Variants in SRCIN1 observed in about 807,000 individuals in gnomAD.
SRCIN1 encodes the protein SRC kinase signaling inhibitor 1.
A neutral mutation model predicts 116.2 loss-of-function variants in SRCIN1; 50 were observed. The observed-to-expected ratio is 0.43, with a 90% confidence interval of 0.34 to 0.54. The LOEUF (loss-of-function observed/expected upper bound fraction) is 0.54. SRCIN1 is among the 20% of genes least tolerant of loss of function. SRCIN1 has a pLI of 0.02. For synonymous variants in SRCIN1, 736 were observed against 750.0 expected (o/e 0.98, Z 0.30); for missense variants, 1,446 against 1,672.0 (o/e 0.86, Z 2.36).
At position 38,552,696 on chromosome 17, in the gene SRCIN1, C is replaced by A; in HGVS notation, c.2332+29G>T. ...TGGCAGACTTCCCCACCCTGAACAA[C>A]GTGCTGCATTCGCAGGCCCCAGACC... is the stretch of plus-strand genomic sequence containing the variant. On this transcript the variant is annotated intron_variant, in intron 12 of 18. Transcript: ENST00000617146. This position sits in a 1 kb window ranked among gnomAD's most constrained non-coding sequence, Gnocchi z 5.3. 1 of 1,613,102 alleles carries A rather than the reference C, an allele frequency of 6.2e-7. No homozygotes were observed. Among genetic ancestry groups the A allele is most frequent in the Non-Finnish European group, 8.5e-7 (1 of 1,179,498 alleles).
At chr17:38,541,206 T>G (rs1165038854) in intron 18 of SRCIN1, 1 of 151,110 alleles carries the variant, frequency 6.6e-6, no homozygotes. Flanking sequence ...ACCATTGCAC[T>G]CCAGCCCGGG....
Position 38,562,281 on chromosome 17 carries a change from G to A in SRCIN1, c.882C>T (p.Leu294=). The A allele has an allele frequency of 6.8e-7, 1 of 1,478,600 alleles. No individual in the cohort carries two copies. The highest frequency in any genetic ancestry group is 1.3e-5 in the South Asian group (1 of 78,438). 91.6% of individuals were successfully genotyped at this position (1,478,600 alleles called of 1,614,324 possible). The change falls in exon 7 of 19, where the codon CTC becomes CTT. Residue 294 remains leucine (L), a synonymous_variant. Coordinates refer to ENST00000617146, the MANE Select transcript of SRCIN1 (RefSeq NM_025248.3). The surrounding 1 kb of genome is among the most constrained non-coding windows in gnomAD (Gnocchi z 4.2). ...ASRESSPTRR[L]NNLSPAPHLA... is the part of the protein sequence containing the mutation. ...GGTGCGGCGCTGGTGACAGGTTGTT[G>A]AGGCGCCGCGTGGGCGAGGACTCCC...
chr17:38,560,125 G>C, intron 8 of SRCIN1, 28 bp from the exon 9 acceptor site: 1 of 1,536,488 alleles, frequency 6.5e-7, no homozygotes, highest in Middle Eastern at 1.7e-4. Context: ...AAGCCATCAG[G>C]GGGTCCAGGC....
chr17:38,558,986 G>T lies in SRCIN1; in HGVS notation c.2026-584C>A, dbSNP rs1906005799. On this transcript the variant is annotated intron_variant, in intron 10 of 18. Coordinates refer to ENST00000617146, the MANE Select transcript of SRCIN1 (RefSeq NM_025248.3). The surrounding 1 kb of genome is among the most constrained non-coding windows in gnomAD (Gnocchi z 4.6). ...CAACCCTGTTCCAAGCCTGAATGGC[G>T]GGGGTGGGCAAGATCTTACCCGTTG... 6.1e-6 allele frequency: 1 copy of T among 165,132 alleles called. No individual in the cohort carries two copies. The highest frequency in any genetic ancestry group is 2.4e-5 in the African/African-American group (1 of 41,658). The allele number at this position is 165,132 out of a possible 1,614,324, so 10.2% of individuals were successfully genotyped here. A position where few individuals can be genotyped will look rare whatever the true frequency, so the allele number is the denominator to read the frequency against.
In SRCIN1 at chr17:38,568,536, C is replaced by T. The variant is rs991769294; in HGVS notation, c.325-305G>A. 3.9e-5 allele frequency among the ~76,000 whole-genome samples: 6 copies of T among 152,250 alleles called. No homozygotes were observed. The highest frequency in any genetic ancestry group is 9.6e-5 in the African/African-American group (4 of 41,554). On this transcript the variant is annotated intron_variant, in intron 2 of 18. Transcript: ENST00000617146. The surrounding 1 kb of genome is among the most constrained non-coding windows in gnomAD (Gnocchi z 4.5). Reference sequence around the variant, plus strand: ...CATGAGGCAGTCACAAGAGAGGCAGCGACAAAGCTGAGCTGTGGGGTCAGA... The same window carrying T: ...CATGAGGCAGTCACAAGAGAGGCAGTGACAAAGCTGAGCTGTGGGGTCAGA...
intron 1 of SRCIN1, among the ~76,000 whole-genome samples, chr17:38,588,428 C>G (rs752856577): frequency 1.3e-5 from 2 of 152,350 alleles, no homozygotes; most frequent in East Asian, 3.9e-4. Flanking sequence ...CCACTGCTCA[C>G]GCGCCCAGGG....
At chr17:38,580,835 C>CT (rs1435209763) in intron 1 of SRCIN1, among the ~76,000 whole-genome samples, 1 of 152,162 alleles carries the variant, frequency 6.6e-6, no homozygotes, top group South Asian at 2.1e-4. Flanking sequence ...CTTCCTTCCT[C>CT]TTTTTTTCTT....
chr17:38,563,346 G>T lies in SRCIN1; in HGVS notation c.717C>A (p.Val239=). ...ACCGGACGTCCTCCAGCTCGTAGAAGACGTTGCGAGCCTCGTCTTTGATGA... is the reference window on the plus strand; with the variant it reads ...ACCGGACGTCCTCCAGCTCGTAGAATACGTTGCGAGCCTCGTCTTTGATGA... ...AILIKDEARN[V]FYELEDVRDI... is the part of the protein sequence containing the mutation. Residue 239 remains valine (V), a synonymous_variant, in exon 5 of 19, where the codon GTC becomes GTA. Coordinates refer to ENST00000617146, the MANE Select transcript of SRCIN1 (RefSeq NM_025248.3). The surrounding 1 kb of genome is among the most constrained non-coding windows in gnomAD (Gnocchi z 5.8). 6.3e-7 allele frequency: 1 copy of T among 1,577,136 alleles called. No homozygotes were observed. Among genetic ancestry groups the T allele is most frequent in the Non-Finnish European group, 8.6e-7 (1 of 1,160,840 alleles).
intron 3 of SRCIN1, among the ~76,000 whole-genome samples, chr17:38,565,005 TG>T (rs1906588692): frequency 6.6e-6 from 1 of 152,110 alleles, no homozygotes; most frequent in African/African-American, 2.4e-5. Flanking sequence ...AGCCCCTCCT[TG>T]CAAGGCACAT....
In SRCIN1 at chr17:38,558,208, G is replaced by T. The variant is rs1905930971; in HGVS notation, c.2201+19C>A. ...CAGCCGCACCCCCACCCCTCCCTCC[G>T]CCGCGGGCCCAGCCTCACTTGAGCT... On this transcript the variant is annotated intron_variant, in intron 11 of 18. Coordinates refer to ENST00000617146, the MANE Select transcript of SRCIN1 (RefSeq NM_025248.3). This position sits in a 1 kb window ranked among gnomAD's most constrained non-coding sequence, Gnocchi z 4.6. 6.2e-7 allele frequency: 1 copy of T among 1,600,298 alleles called. No individual in the cohort carries two copies. The highest frequency in any genetic ancestry group is 1.3e-5 in the African/African-American group (1 of 74,584).
In SRCIN1 at chr17:38,559,721, G is replaced by A. The variant is rs1430791496; in HGVS notation, c.1889C>T (p.Pro630Leu). 9 of 1,568,080 alleles carry A rather than the reference G, an allele frequency of 5.7e-6. No homozygotes were observed. In the African/African-American group the frequency reaches 1.2e-4, roughly 21 times the overall value. Reference sequence around the variant, plus strand: ...GGGGGTGCTGCTGGCCGAGGGCGGGGGCGGGCCGGACACCGGGGTGGCCCC... The same window carrying A: ...GGGGGTGCTGCTGGCCGAGGGCGGGAGCGGGCCGGACACCGGGGTGGCCCC... ...SSGATPVSGP[P>L]PPSASSTPAG... Residue 630 changes from proline to leucine, a missense_variant, in exon 10 of 19, where the codon CCC (proline) becomes CTC (leucine). Around this residue, in one of 5 missense-constraint regions of SRCIN1, gnomAD observed 398 missense variants for 385.6 expected, o/e 1.03. Transcript: ENST00000617146.
chr17:38,583,909 C>T lies in SRCIN1; in HGVS notation c.23-5118G>A, dbSNP rs867439830. Among the ~76,000 whole-genome samples the T allele has an allele frequency of 2.0e-5, 3 of 152,140 alleles. 1 individual carries two copies. The South Asian group carries it at 6.2e-4, about 31-fold the overall frequency. On this transcript the variant is annotated intron_variant, in intron 1 of 18. Transcript: ENST00000617146. ...TGAGCAGCGATGGGCTTGTAGCAGCCTGACCTCCCTGTTACCCCTACGCCT... is the reference window on the plus strand; with the variant it reads ...TGAGCAGCGATGGGCTTGTAGCAGCTTGACCTCCCTGTTACCCCTACGCCT...
At chr17:38,565,203 G>C (rs1213393698) in intron 3 of SRCIN1, among the ~76,000 whole-genome samples, 2 of 152,158 alleles carry the variant, frequency 1.3e-5, no homozygotes, top group African/African-American at 4.8e-5. Context: ...GCCTACTTTT[G>C]GCTGAAACCT....
chr17:38,554,627 G>A (rs1905669107), intron 11 of SRCIN1, among the ~76,000 whole-genome samples: 1 of 152,102 alleles, frequency 6.6e-6, no homozygotes, highest in Non-Finnish European at 1.5e-5. Context: ...CTAACCCCAG[G>A]CAGGCAAAGA....
Position 38,548,583 on chromosome 17 carries a change from C to T in SRCIN1, c.3244G>A (p.Glu1082Lys), listed in dbSNP as rs775289410. Residue 1082 changes from glutamate to lysine, a missense_variant, in exon 17 of 19, where the codon GAG becomes AAG. Transcript: ENST00000617146. ...TCTAGCTCTGCGATGATGCGATCCT[C>T]GTCATCCTCGTCCTTGATGGCCGAG... is the stretch of plus-strand genomic sequence containing the variant. ...MASAIKDEDDEDRIIAELESG... is the reference protein window; with the variant it reads ...MASAIKDEDDKDRIIAELESG... 1.3e-5 allele frequency: 21 copies of T among 1,612,394 alleles called. No homozygotes were observed. Among genetic ancestry groups the T allele is most frequent in the African/African-American group, 9.3e-5 (7 of 74,896 alleles).
intron 2 of SRCIN1, among the ~76,000 whole-genome samples, chr17:38,574,598 A>G (rs1433624215): frequency 6.6e-6 from 1 of 152,174 alleles, no homozygotes; most frequent in East Asian, 1.9e-4. Context: ...TTAAAGGAGA[A>G]AGGGATACAA....
At chr17:38,599,014 C>T (rs545190894) in intron 1 of SRCIN1, among the ~76,000 whole-genome samples, 11 of 151,830 alleles carry the variant, frequency 7.2e-5, no homozygotes, top group Middle Eastern at 3.4e-3. Context: ...TGTGTGTGTA[C>T]GTACGTGTGT....
At chr17:38,584,836 G>C (rs1300426518) in intron 1 of SRCIN1, among the ~76,000 whole-genome samples, 1 of 152,166 alleles carries the variant, frequency 6.6e-6, no homozygotes, top group East Asian at 1.9e-4. Context: ...CAAAGGAGGA[G>C]AACGGGGAGA....
intron 1 of SRCIN1, among the ~76,000 whole-genome samples, chr17:38,582,521 C>A (rs1378238399): frequency 6.6e-6 from 1 of 152,204 alleles, no homozygotes; most frequent in African/African-American, 2.4e-5. Flanking sequence ...CAGGGACTAC[C>A]CCTCACTGCC....
Sources: allele counts gnomAD v4.1 joint callset (sites outside exome capture counted in the v4.1 genomes callset), GRCh38; gene constraint gnomAD v4.1.1; regional missense constraint gnomAD v4.1.1; non-coding constraint Gnocchi (gnomAD v3.1); transcripts MANE v1.5; gene names NCBI Gene and HGNC (gene_info 2026-07-23, HGNC 2026-07-21).